The following STIMATE variants were observed in gnomAD, a reference collection of about 807,000 sequenced individuals.
STIMATE encodes STIM activating enhancer.
Under a neutral mutation model 36.7 loss-of-function variants are expected in STIMATE, and 15 were observed. The observed-to-expected ratio is 0.41, with a 90% CI of 0.27 to 0.63. The LOEUF is 0.63. Among genes scored for constraint, STIMATE ranks in the 20% least tolerant of loss-of-function variants. The pLI, the probability that STIMATE is intolerant of heterozygous loss-of-function variation, is 0.32. For missense variants in STIMATE, 305 were observed against 397.3 expected (o/e 0.77, Z 1.98); for synonymous variants, 163 against 162.3 (o/e 1.00, Z -0.03).
chr3:52,840,588 T>A lies in STIMATE; in HGVS notation c.791A>T (p.Glu264Val). Residue 264 changes from glutamate to valine, a missense_variant, in exon 8 of 8, where the codon GAG becomes GTG. By Grantham distance (121) the Glu-to-Val change is moderately radical. Transcript: ENST00000355083. ...ESEILISADDEMEESDVEEDL... is the reference protein window; with the variant it reads ...ESEILISADDVMEESDVEEDL... ...CTCCTCCACGTCGGACTCCTCCATC[T>A]CATCATCCGCTGAGATCAGGATCTG... 4 of 1,613,750 alleles carry A rather than the reference T, an allele frequency of 2.5e-6. No homozygotes were observed. The highest frequency in any genetic ancestry group is 3.4e-6 in the Non-Finnish European group (4 of 1,179,892).
At chr3:52,846,725 G>A (rs1361127483) in intron 4 of STIMATE, among the ~76,000 whole-genome samples, 2 of 152,176 alleles carry the variant, frequency 1.3e-5, no homozygotes, top group Admixed American at 6.5e-5. Context: ...CTGTGACCCC[G>A]TCTGGCACAC....
rs1389210461 is a variant in STIMATE at position 52,897,537 on chromosome 3, G to A, written c.-87C>T. 9 of 1,179,190 alleles carry A rather than the reference G, an allele frequency of 7.6e-6. No individual in the cohort carries two copies. The highest frequency in any genetic ancestry group is 1.6e-5 in the African/African-American group (1 of 62,214). 73.0% of individuals were successfully genotyped at this position (1,179,190 alleles called of 1,614,324 possible). On this transcript the variant is annotated 5_prime_UTR_variant, in exon 1 of 8. Coordinates refer to ENST00000355083, the MANE Select transcript of STIMATE (RefSeq NM_198563.5). ...GCAGCGCCGCCAAACCCGCAGCCGG[G>A]ATCCCAAGCCTGAGCCGGTACCTCC...
At chr3:52,861,211 G>A (rs1276403639) in intron 1 of STIMATE, among the ~76,000 whole-genome samples, 2 of 152,196 alleles carry the variant, frequency 1.3e-5, no homozygotes, top group South Asian at 4.1e-4. Context: ...TGGAAGCCAA[G>A]GCTGATGGAG....
chr3:52,850,695 C>G (rs542580395), intron 3 of STIMATE, among the ~76,000 whole-genome samples: 52 of 152,144 alleles, frequency 3.4e-4, no homozygotes, highest in Non-Finnish European at 5.9e-4. Context: ...CTTCGCCCAT[C>G]CCCATCTGCA....
At chr3:52,889,454 G>A (rs535816510) in intron 1 of STIMATE, among the ~76,000 whole-genome samples, 2 of 152,340 alleles carry the variant, frequency 1.3e-5, no homozygotes, top group East Asian at 3.9e-4. Flanking sequence ...ATAAGGAGCG[G>A]CTTTGTTACT....
intron 1 of STIMATE, among the ~76,000 whole-genome samples, chr3:52,857,814 T>C (rs1345368348): frequency 6.6e-6 from 1 of 151,866 alleles, no homozygotes; most frequent in Non-Finnish European, 1.5e-5. Context: ...ATAGGCTGAA[T>C]TGTGCCCCCA....
At position 52,880,767 on chromosome 3, in the gene STIMATE, A is replaced by T. The variant is rs143179097; in HGVS notation, c.160+16524T>A. On this transcript the variant is annotated intron_variant, in intron 1 of 7. Transcript: ENST00000355083. ...TGCATGGAATGAGCTGGCTGTTTCA[A>T]TATTAGCTTCTGTTTGACTCCCACA... Among the ~76,000 whole-genome samples, 660 of 152,360 alleles carry T rather than the reference A, an allele frequency of 4.3e-3. 8 individuals carry two copies. Among genetic ancestry groups the T allele is most frequent in the African/African-American group, 0.015 (621 of 41,592 alleles).
chr3:52,849,953 A>G, intron 3 of STIMATE, 40 bp from the exon 4 acceptor site: 1 of 1,599,048 alleles, frequency 6.3e-7, no homozygotes, highest in Non-Finnish European at 8.5e-7. Flanking sequence ...GGCAGAAGCC[A>G]CGGGGCCAGA....
chr3:52,871,848 C>G (rs898927256), intron 1 of STIMATE, among the ~76,000 whole-genome samples: 4 of 152,206 alleles, frequency 2.6e-5, no homozygotes, highest in African/African-American at 7.2e-5. Flanking sequence ...CACAACCCCC[C>G]CATGCCTTTC....
chr3:52,885,279 T>C (rs1701672095), intron 1 of STIMATE, among the ~76,000 whole-genome samples: 1 of 152,224 alleles, frequency 6.6e-6, no homozygotes, highest in Non-Finnish European at 1.5e-5. Flanking sequence ...TTCTGAGTTC[T>C]AAGAATTCTT....
intron 1 of STIMATE, among the ~76,000 whole-genome samples, chr3:52,886,791 T>C (rs758195332): frequency 1.4e-4 from 22 of 152,224 alleles, no homozygotes; most frequent in Non-Finnish European, 2.9e-4. Flanking sequence ...CAATGAAACC[T>C]TCACCAACAC....
At position 52,869,494 on chromosome 3, in the gene STIMATE, C is replaced by T. The variant is rs118062555; in HGVS notation, c.161-14050G>A. On this transcript the variant is annotated intron_variant, in intron 1 of 7. Coordinates refer to ENST00000355083, the MANE Select transcript of STIMATE (RefSeq NM_198563.5). ...TAGGCATTCTTCCAGATTGTTCCCA[C>T]TGCTCTAAGACATCTTGCTTAGCTC... is the stretch of plus-strand genomic sequence containing the variant. 7.1e-3 allele frequency among the ~76,000 whole-genome samples: 1,088 copies of T among 152,354 alleles called. 113 individuals carry two copies. The South Asian group carries it at 0.2, about 28-fold the overall frequency.
intron 1 of STIMATE, among the ~76,000 whole-genome samples, chr3:52,858,581 C>T (rs1701148363): frequency 6.6e-6 from 1 of 152,284 alleles, no homozygotes; most frequent in East Asian, 1.9e-4. Context: ...GCTATCGCAT[C>T]ACTGCATTCC....
intron 1 of STIMATE, among the ~76,000 whole-genome samples, chr3:52,862,734 C>T (rs1197950460): frequency 6.6e-6 from 1 of 152,136 alleles, no homozygotes; most frequent in Non-Finnish European, 1.5e-5. Context: ...CCCACAACCC[C>T]TGATACCTGC....
At chr3:52,878,840 A>G (rs1355520493) in intron 1 of STIMATE, among the ~76,000 whole-genome samples, 1 of 152,150 alleles carries the variant, frequency 6.6e-6, no homozygotes, top group African/African-American at 2.4e-5. Context: ...AACAGATAAG[A>G]GCCGATAGGA....
chr3:52,895,935 C>G (rs1365015512), intron 1 of STIMATE: 1 of 1,289,776 alleles, frequency 7.8e-7, no homozygotes, highest in Non-Finnish European at 1.0e-6. Flanking sequence ...CGGATTTTGG[C>G]TAAGTTGTCA....
intron 1 of STIMATE, among the ~76,000 whole-genome samples, chr3:52,878,646 C>A (rs951489395): frequency 6.6e-6 from 1 of 152,164 alleles, no homozygotes; most frequent in Non-Finnish European, 1.5e-5. Flanking sequence ...GTCTCGTGAG[C>A]CTACCTAAAT....
chr3:52,866,343 G>A (rs1482753536), intron 1 of STIMATE, among the ~76,000 whole-genome samples: 1 of 152,236 alleles, frequency 6.6e-6, no homozygotes, highest in Non-Finnish European at 1.5e-5. Flanking sequence ...TGGGTGCCAG[G>A]GCACCTGCGG....
Position 52,842,919 on chromosome 3 carries a change from C to A in STIMATE, c.660G>T (p.Lys220Asn), listed in dbSNP as rs761377295. 2 of 1,614,230 alleles carry A rather than the reference C, an allele frequency of 1.2e-6. No individual in the cohort carries two copies. Among genetic ancestry groups the A allele is most frequent in the Non-Finnish European group, 1.7e-6 (2 of 1,180,042 alleles). Residue 220 changes from lysine (K) to asparagine (N), a missense_variant, in exon 7 of 8, where the codon AAG (lysine) becomes AAT (asparagine). Physicochemically the swap from Lys to Asn is moderately conservative, Grantham distance 94. Around this residue, in one of 3 missense-constraint regions of STIMATE, gnomAD observed 164 missense variants for 257.9 expected, o/e 0.64. Coordinates refer to ENST00000355083, the MANE Select transcript of STIMATE (RefSeq NM_198563.5). ...CTTCTAGCTTAGCTTTCGTCTTCCCCTTTCTCATGAGGAAATTGTCCACTA... is the reference window on the plus strand; with the variant it reads ...CTTCTAGCTTAGCTTTCGTCTTCCCATTTCTCATGAGGAAATTGTCCACTA... ...FWVVDNFLMR[K>N]GKTKAKLEER...
Sources: allele counts gnomAD v4.1 joint callset (sites outside exome capture counted in the v4.1 genomes callset), GRCh38; gene constraint gnomAD v4.1.1; regional missense constraint gnomAD v4.1.1; transcripts MANE v1.5; gene names NCBI Gene and HGNC (gene_info 2026-07-23, HGNC 2026-07-21).